UTS2B: variants seen among roughly 807,000 people sequenced by gnomAD.
UTS2B encodes the protein urotensin-2B.
In UTS2B, 21 loss-of-function variants were observed where a neutral mutation model predicts 19.2. That is an observed-to-expected ratio of 1.09 (90% CI 0.78 to 1.58). UTS2B has a LOEUF of 1.58. UTS2B is among the 40% of genes most tolerant of loss of function. The pLI is 0.00. For missense variants in UTS2B, 138 were observed against 130.3 expected, an observed-to-expected ratio of 1.06 and a Z score of -0.29; for synonymous variants, 57 against 50.2, an observed-to-expected ratio of 1.14 and a Z score of -0.58.
intron 2 of UTS2B, among the ~76,000 whole-genome samples, chr3:191,326,563 G>A (rs542501211): frequency 3.3e-5 from 5 of 151,938 alleles, no homozygotes; most frequent in Non-Finnish European, 5.9e-5. Flanking sequence ...TCTCTCTATG[G>A]CATTCAAGTT....
chr3:191,289,006 T>C (rs1716632885), intron 4 of UTS2B, among the ~76,000 whole-genome samples: 1 of 152,102 alleles, frequency 6.6e-6, no homozygotes, highest in African/African-American at 2.4e-5. Context: ...CAAATCAATA[T>C]CAAGAAAACA....
chr3:191,329,317 C>T (rs1053734510), intron 1 of UTS2B: 5 of 247,218 alleles, frequency 2.0e-5, no homozygotes, highest in African/African-American at 9.1e-5. Flanking sequence ...GGTTACAGAC[C>T]TGCAGCTCCC....
chr3:191,329,709 C>G (rs369242713), intron 1 of UTS2B: 1 of 1,610,486 alleles, frequency 6.2e-7, no homozygotes, highest in East Asian at 2.2e-5. Flanking sequence ...TCCAAGCTGC[C>G]TGGAGTCAAG....
upstream of UTS2B, among the ~76,000 whole-genome samples, chr3:191,334,520 A>G (rs567582316): frequency 6.6e-6 from 1 of 152,312 alleles, no homozygotes; most frequent in African/African-American, 2.4e-5. Flanking sequence ...CTTATTTTCC[A>G]GATGAAAATC....
At chr3:191,338,925 T>C in the UTS2B span, among the ~76,000 whole-genome samples, 1 of 152,216 alleles carries the variant, frequency 6.6e-6, no homozygotes, top group Non-Finnish European at 1.5e-5. Flanking sequence ...ATTTTGTTGC[T>C]GTTACTAGAG....
chr3:191,325,156 G>A (rs924015311), intron 2 of UTS2B, among the ~76,000 whole-genome samples: 1 of 152,176 alleles, frequency 6.6e-6, no homozygotes, highest in Non-Finnish European at 1.5e-5. Context: ...CAAGTGTTCT[G>A]TGATGACAGA....
intron 4 of UTS2B, among the ~76,000 whole-genome samples, chr3:191,304,108 C>A (rs1030700104): frequency 2.0e-5 from 3 of 152,136 alleles, no homozygotes; most frequent in Non-Finnish European, 4.4e-5. Flanking sequence ...CAGGCATGCG[C>A]CACCATACCC....
intron 8 of UTS2B, among the ~76,000 whole-genome samples, chr3:191,271,767 A>C (rs1428487640): frequency 6.6e-6 from 1 of 152,222 alleles, no homozygotes; most frequent in Admixed American, 6.5e-5. Context: ...TAATGCTGAT[A>C]ACTGCCAAAT....
intron 2 of UTS2B, among the ~76,000 whole-genome samples, chr3:191,317,994 T>C (rs1052508840): frequency 6.6e-6 from 1 of 152,226 alleles, no homozygotes; most frequent in South Asian, 2.1e-4. Flanking sequence ...ATGTCACTTC[T>C]ACTGCATTTT....
At chr3:191,322,025 C>T (rs1481972632) in intron 2 of UTS2B, among the ~76,000 whole-genome samples, 2 of 149,418 alleles carry the variant, frequency 1.3e-5, no homozygotes, top group Non-Finnish European at 2.9e-5. Flanking sequence ...AAAACTCCAT[C>T]GGAAAAATAT....
chr3:191,297,562 G>C (rs1436056504), intron 4 of UTS2B, among the ~76,000 whole-genome samples: 2 of 152,074 alleles, frequency 1.3e-5, no homozygotes, highest in Non-Finnish European at 2.9e-5. Context: ...ATAATATAAT[G>C]TGTTATTTTA....
chr3:191,345,785 T>A, the UTS2B span, among the ~76,000 whole-genome samples: 1 of 152,230 alleles, frequency 6.6e-6, no homozygotes, highest in African/African-American at 2.4e-5. Flanking sequence ...TACGTGAGAA[T>A]GAAATGTTGG....
intron 3 of UTS2B, among the ~76,000 whole-genome samples, chr3:191,306,428 A>G (rs1176164492): frequency 1.3e-5 from 2 of 152,180 alleles, no homozygotes; most frequent in East Asian, 1.9e-4. Flanking sequence ...TCCATCATCT[A>G]TTTTATAGTT....
the UTS2B span, among the ~76,000 whole-genome samples, chr3:191,342,249 G>C: frequency 6.6e-6 from 1 of 152,196 alleles, no homozygotes; most frequent in Admixed American, 6.5e-5. Context: ...ATTGCAGTTT[G>C]CTTTGTGAGA....
the UTS2B span, among the ~76,000 whole-genome samples, chr3:191,338,192 T>G: frequency 1.3e-5 from 2 of 152,252 alleles, no homozygotes; most frequent in South Asian, 4.1e-4. Flanking sequence ...TTTTGTTTAT[T>G]GACTATGGAG....
At chr3:191,297,433 C>T (rs1473174211) in intron 4 of UTS2B, among the ~76,000 whole-genome samples, 2 of 152,182 alleles carry the variant, frequency 1.3e-5, no homozygotes, top group African/African-American at 4.8e-5. Flanking sequence ...TTCATTTAGC[C>T]TACCTGGTAA....
At position 191,309,230 on chromosome 3, in the gene UTS2B, C is replaced by T. The variant is rs562296132; in HGVS notation, c.-181-4682G>A. Among the ~76,000 whole-genome samples the T allele has an allele frequency of 9.8e-4, 149 of 152,254 alleles. 6 individuals carry two copies. In the South Asian group the frequency reaches 0.03, roughly 31 times the overall value. ...AGGCTGGAGTGCAGTGGTGCCATCT[C>T]GGCTCACTGCAAGCTCCGCCTCCCT... On this transcript the variant is annotated intron_variant, in intron 3 of 8. Transcript: ENST00000340524.
At chr3:191,292,824 C>A (rs1716754253) in intron 4 of UTS2B, among the ~76,000 whole-genome samples, 1 of 151,774 alleles carries the variant, frequency 6.6e-6, no homozygotes, top group Admixed American at 6.6e-5. Context: ...TGAGGAAGTT[C>A]CCTTCAGTTT....
At chr3:191,282,836 T>C (rs1452641434) in intron 4 of UTS2B, among the ~76,000 whole-genome samples, 1 of 152,238 alleles carries the variant, frequency 6.6e-6, no homozygotes, top group South Asian at 2.1e-4. Flanking sequence ...CTTCATTTTG[T>C]TTCAAGCAGC....
Sources: gnomAD v4.1 joint callset for allele counts (sites outside exome capture counted in the v4.1 genomes callset) on GRCh38, gnomAD v4.1.1 for gene constraint, MANE v1.5 for transcripts, NCBI Gene and HGNC (gene_info 2026-07-23, HGNC 2026-07-21) for gene names.